Variants in CD82 observed in about 807,000 individuals in gnomAD.
The protein encoded by CD82 is CD82 molecule.
In CD82, 36 loss-of-function variants were observed where a neutral mutation model predicts 37.4. The ratio of observed to expected loss-of-function variants is 0.96; its 90% CI spans 0.74 to 1.27. The LOEUF (loss-of-function observed/expected upper bound fraction) is 1.27, where lower values mean the gene tolerates loss of function less well. CD82 is among the 50% of genes most tolerant of loss of function. The pLI is 0.00. For synonymous variants in CD82, 158 were observed against 137.4 expected, an observed-to-expected ratio of 1.15 and a Z score of -1.05; for missense variants, 340 against 347.0, an observed-to-expected ratio of 0.98 and a Z score of 0.16.
At chr11:44,592,431 G>A (rs531257971) in intron 2 of CD82, among the ~76,000 whole-genome samples, 7 of 152,226 alleles carry the variant, frequency 4.6e-5, no homozygotes, top group Admixed American at 1.3e-4. Context: ...GGCATGCCCC[G>A]TATTGTTTAC....
chr11:44,618,906 T>C lies in CD82; in HGVS notation c.727-143T>C, dbSNP rs1319730457. 8.2e-6 allele frequency: 7 copies of C among 850,436 alleles called. No individual in the cohort carries two copies. In the East Asian group the frequency reaches 1.5e-4, roughly 18 times the overall value. The allele number at this position is 850,436 out of a possible 1,614,324, so 52.7% of individuals were successfully genotyped here. ...ACAAGGCACTGCCCCGCTCTGGGCCTCCCTCTGCTGCCTGCATCACAGGGT... is the reference window on the plus strand; with the variant it reads ...ACAAGGCACTGCCCCGCTCTGGGCCCCCCTCTGCTGCCTGCATCACAGGGT... On this transcript the variant is annotated intron_variant, in intron 9 of 9. Coordinates refer to ENST00000227155, the MANE Select transcript of CD82 (RefSeq NM_002231.4).
chr11:44,607,635 A>G (rs1853416971), intron 6 of CD82, among the ~76,000 whole-genome samples: 2 of 152,230 alleles, frequency 1.3e-5, no homozygotes. Context: ...GAGCTGAGCT[A>G]GAAAAGTGAG....
chr11:44,605,070 G>A lies in CD82; in HGVS notation c.149G>A (p.Ser50Asn). 6.2e-7 allele frequency: 1 copy of A among 1,614,202 alleles called. No homozygotes were observed. Among genetic ancestry groups the A allele is most frequent in the Non-Finnish European group, 8.5e-7 (1 of 1,180,030 alleles). Residue 50 changes from serine (S) to asparagine (N), a missense_variant, in exon 5 of 10, where the codon AGC becomes AAC. By Grantham distance (46) the Ser-to-Asn change is conservative. Coordinates refer to ENST00000227155, the MANE Select transcript of CD82 (RefSeq NM_002231.4). Reference sequence around the variant, plus strand: ...TTCTTCCCCCTAGAAACCTCCTCCAGCTCGCTTAGGATGGGGGCCTATGTC... The same window carrying A: ...TTCTTCCCCCTAGAAACCTCCTCCAACTCGCTTAGGATGGGGGCCTATGTC... ...SFISVLQTSS[S>N]SLRMGAYVFI... is the part of the protein sequence containing the mutation.
At chr11:44,599,159 G>T (rs893176947) in intron 3 of CD82, among the ~76,000 whole-genome samples, 2 of 152,028 alleles carry the variant, frequency 1.3e-5, no homozygotes, top group Admixed American at 6.5e-5. Flanking sequence ...TCCTTTTTGT[G>T]GGGGGCAGAG....
In CD82 at chr11:44,589,620, G is replaced by A. The variant is rs544590246; in HGVS notation, c.-21+2064G>A. Reference sequence around the variant, plus strand: ...GCTGACCTCACTCCCTCTTTAGGACGGGAGTCCAGTTGGGAGTTCCACTCC... The same window carrying A: ...GCTGACCTCACTCCCTCTTTAGGACAGGAGTCCAGTTGGGAGTTCCACTCC... On this transcript the variant is annotated intron_variant, in intron 2 of 9. Coordinates refer to ENST00000227155, the MANE Select transcript of CD82 (RefSeq NM_002231.4). Among the ~76,000 whole-genome samples the A allele has an allele frequency of 9.2e-5, 14 of 152,290 alleles. No individual in the cohort carries two copies. The East Asian group carries it at 9.7e-4, about 11-fold the overall frequency.
intron 2 of CD82, among the ~76,000 whole-genome samples, chr11:44,593,212 A>C (rs1013311466): frequency 7.9e-5 from 12 of 152,198 alleles, no homozygotes; most frequent in African/African-American, 2.9e-4. Flanking sequence ...GTAGCCGGGG[A>C]AATTGAAGAC....
chr11:44,615,170 G>A (rs1258221580), intron 6 of CD82, 102 bp from the exon 7 acceptor site: 2 of 746,630 alleles, frequency 2.7e-6, no homozygotes, highest in South Asian at 1.6e-5. Flanking sequence ...CGTGTCCCAG[G>A]GTTGCTGAGG....
intron 7 of CD82, among the ~76,000 whole-genome samples, chr11:44,616,507 A>G (rs192023390): frequency 1.3e-4 from 20 of 152,234 alleles, no homozygotes; most frequent in South Asian, 2.1e-4. Flanking sequence ...TACCCTGGAA[A>G]GTCATTGGCT....
At chr11:44,585,607 C>T (rs934874527) in intron 1 of CD82, among the ~76,000 whole-genome samples, 1 of 152,202 alleles carries the variant, frequency 6.6e-6, no homozygotes, top group African/African-American at 2.4e-5. Context: ...AAGGGAGCAG[C>T]TCTGCAGTGT....
chr11:44,618,558 G>A (rs1853603405), intron 8 of CD82, 82 bp from the exon 9 acceptor site: 1 of 1,269,998 alleles, frequency 7.9e-7, no homozygotes, highest in East Asian at 2.3e-5. Flanking sequence ...TCCGGGCTGG[G>A]ACTGGGGGGC....
At chr11:44,617,082 C>A (rs1025696651) in intron 7 of CD82, among the ~76,000 whole-genome samples, 1 of 152,146 alleles carries the variant, frequency 6.6e-6, no homozygotes, top group Non-Finnish European at 1.5e-5. Context: ...TCAGGCGACA[C>A]CCCTCGGAGC....
intron 1 of CD82, among the ~76,000 whole-genome samples, chr11:44,586,822 G>C (rs907501143): frequency 2.0e-5 from 3 of 152,164 alleles, no homozygotes; most frequent in African/African-American, 7.2e-5. Flanking sequence ...TTTCTCTCCT[G>C]CTTCCTAAAA....
In CD82 at chr11:44,618,335, C is replaced by T. The variant is rs1471148682; in HGVS notation, c.612C>T (p.Asn204=). ...EAPGNRTQSG[N]HPEDWPVYQE... The stretch of plus-strand genomic sequence containing the variant: ...CCGGCAACAGGACCCAGAGTGGCAA[C>T]CACCCTGAGGACTGGCCTGTGTACC... Residue 204 remains asparagine (N), a synonymous_variant, in exon 8 of 10, where the codon AAC becomes AAT. Transcript: ENST00000227155. The T allele has an allele frequency of 2.5e-6, 4 of 1,613,414 alleles. No individual in the cohort carries two copies. Among genetic ancestry groups the T allele is most frequent in the African/African-American group, 1.3e-5 (1 of 74,916 alleles).
In CD82 at chr11:44,616,409, G is replaced by A. The variant is rs1241233676; in HGVS notation, c.438+1036G>A. Among the ~76,000 whole-genome samples the A allele has an allele frequency of 2.0e-5, 3 of 152,306 alleles. No homozygotes were observed. In the East Asian group the frequency reaches 5.8e-4, roughly 29 times the overall value. ...CTGAGACTTTGCTAATTTTAGCAAAGTCTGGATGTCACCAGTGACATAAAC... is the reference window on the plus strand; with the variant it reads ...CTGAGACTTTGCTAATTTTAGCAAAATCTGGATGTCACCAGTGACATAAAC... On this transcript the variant is annotated intron_variant, in intron 7 of 9. Coordinates refer to ENST00000227155, the MANE Select transcript of CD82 (RefSeq NM_002231.4).
intron 1 of CD82, among the ~76,000 whole-genome samples, chr11:44,585,675 C>T (rs1375645402): frequency 6.6e-6 from 1 of 152,228 alleles, no homozygotes; most frequent in Non-Finnish European, 1.5e-5. Context: ...CAAGGGCCGG[C>T]TCTGTGATTC....
chr11:44,575,502 T>C (rs572485768), intron 1 of CD82, among the ~76,000 whole-genome samples: 194 of 152,290 alleles, frequency 1.3e-3, no homozygotes, highest in African/African-American at 4.5e-3. Context: ...ACAGATTGCT[T>C]GGCCCCACCC....
intron 1 of CD82, among the ~76,000 whole-genome samples, chr11:44,579,169 C>G (rs1412348481): frequency 6.6e-6 from 1 of 151,832 alleles, no homozygotes; most frequent in East Asian, 1.9e-4. Flanking sequence ...AGTGCCGCCA[C>G]TCCTAGAATA....
intron 2 of CD82, among the ~76,000 whole-genome samples, chr11:44,589,190 A>C (rs1196591809): frequency 1.4e-4 from 22 of 152,222 alleles, no homozygotes; most frequent in Admixed American, 1.4e-3. Flanking sequence ...TAGGAGACGG[A>C]GGTTGCCATG....
intron 9 of CD82, 28 bp downstream of exon 9, chr11:44,618,751 C>G (rs1853609911): frequency 6.3e-7 from 1 of 1,580,228 alleles, no homozygotes; most frequent in Non-Finnish European, 8.7e-7. Flanking sequence ...CATCCCTTCT[C>G]CATCCCAGGT....
Sources: gnomAD v4.1 joint callset for allele counts (sites outside exome capture counted in the v4.1 genomes callset) on GRCh38, gnomAD v4.1.1 for gene constraint, MANE v1.5 for transcripts, NCBI Gene and HGNC (gene_info 2026-07-23, HGNC 2026-07-21) for gene names.